AGO1: variants seen among roughly 807,000 people sequenced by gnomAD.
The protein encoded by AGO1 is protein argonaute-1.
A neutral mutation model predicts 109.2 loss-of-function variants in AGO1; 11 were observed. The observed-to-expected ratio is 0.10, with a 90% CI of 0.06 to 0.17. AGO1 has a LOEUF of 0.17. AGO1 is among the 10% of genes least tolerant of loss of function. The pLI, the probability that AGO1 is intolerant of heterozygous loss-of-function variation, is 1.00. For missense variants in AGO1, 574 were observed against 1,140.3 expected (o/e 0.50, Z 7.15); for synonymous variants, 422 against 418.6 (o/e 1.01, Z -0.10).
rs199790587 is a variant in AGO1 at position 35,913,885 on chromosome 1, G to T, written c.1626G>T (p.Thr542=). Residue 542 remains threonine (T), a synonymous_variant, in exon 13 of 19, where the codon ACG becomes ACT. Coordinates refer to ENST00000373204, the MANE Select transcript of AGO1 (RefSeq NM_012199.5). ...RVGDTLLGMA[T]QCVQVKNVVK... ...GAGATACACTCTTGGGAATGGCTACGCAGTGTGTGCAGGTGAAGAACGTGG... is the reference window on the plus strand; with the variant it reads ...GAGATACACTCTTGGGAATGGCTACTCAGTGTGTGCAGGTGAAGAACGTGG... 6.2e-7 allele frequency: 1 copy of T among 1,614,032 alleles called. No homozygotes were observed. The highest frequency in any genetic ancestry group is 8.5e-7 in the Non-Finnish European group (1 of 1,180,006).
At chr1:35,871,175 A>T (rs182688637) in intron 1 of AGO1, among the ~76,000 whole-genome samples, 82 of 152,272 alleles carry the variant, frequency 5.4e-4, no homozygotes, top group Admixed American at 9.8e-4. Flanking sequence ...ACAGATCATT[A>T]TTCTACCTCC....
chr1:35,913,401 T>C (rs556800184), intron 12 of AGO1, among the ~76,000 whole-genome samples: 1 of 152,304 alleles, frequency 6.6e-6, no homozygotes, highest in South Asian at 2.1e-4. Context: ...TACAACATGC[T>C]CCCCTTGCTC....
At chr1:35,875,851 T>C (rs1182882767) in intron 1 of AGO1, among the ~76,000 whole-genome samples, 2 of 152,264 alleles carry the variant, frequency 1.3e-5, no homozygotes, top group Admixed American at 6.5e-5. Flanking sequence ...ATAATGTTGC[T>C]TTCATACCTA....
chr1:35,896,676 C>A (rs1455152498), intron 8 of AGO1, among the ~76,000 whole-genome samples: 1 of 152,112 alleles, frequency 6.6e-6, no homozygotes. Context: ...TACTTTTATC[C>A]AACAGCAGAA....
chr1:35,884,590 A>G (rs1013125105), intron 1 of AGO1, among the ~76,000 whole-genome samples: 44 of 152,276 alleles, frequency 2.9e-4, no homozygotes, highest in African/African-American at 9.4e-4. Context: ...CCCACTCCCC[A>G]GAAACTGTCA....
At chr1:35,909,463 CTG>C (rs1180160491) in intron 12 of AGO1, among the ~76,000 whole-genome samples, 2 of 152,214 alleles carry the variant, frequency 1.3e-5, no homozygotes, top group South Asian at 2.1e-4. Flanking sequence ...CATTTCTTGT[CTG>C]TGGTTTTCAG....
At position 35,927,778 on chromosome 1, in the gene AGO1, C is replaced by G. The variant is rs561377490; in HGVS notation, c.*8171C>G. On this transcript the variant is annotated 3_prime_UTR_variant, in exon 19 of 19. Coordinates refer to ENST00000373204, the MANE Select transcript of AGO1 (RefSeq NM_012199.5). ...TACTTCAACTTTTACAGATGAGAAA[C>G]ATGAATCAGAGTGACTTTCCCAGGC... is the stretch of plus-strand genomic sequence containing the variant. The G allele has an allele frequency of 2.0e-5, 3 of 152,342 alleles. No homozygotes were observed. In the South Asian group the frequency reaches 6.2e-4, roughly 32 times the overall value. 9.4% of individuals were successfully genotyped at this position (152,342 alleles called of 1,614,324 possible).
intron 12 of AGO1, among the ~76,000 whole-genome samples, chr1:35,908,816 C>CTTT (rs397861392): frequency 1.1e-4 from 14 of 131,358 alleles, no homozygotes; most frequent in South Asian, 2.5e-4. Flanking sequence ...TCTAACCTTC[C>CTTT]TTTTTTTTTT....
chr1:35,870,136 C>T (rs945611292), intron 1 of AGO1, among the ~76,000 whole-genome samples: 10 of 152,142 alleles, frequency 6.6e-5, no homozygotes, highest in South Asian at 6.2e-4. Context: ...TCCTGCCCTA[C>T]GTGTACCCCT....
rs1479948110 is a variant in AGO1, at chr1:35,883,378, C to T, written c.-44C>T. 7.6e-6 allele frequency: 12 copies of T among 1,584,250 alleles called. No individual in the cohort carries two copies. The South Asian group carries it at 1.1e-4, about 15-fold the overall frequency. On this transcript the variant is annotated 5_prime_UTR_variant, in exon 1 of 19. Transcript: ENST00000373204. The surrounding 1 kb of genome is among the most constrained non-coding windows in gnomAD (Gnocchi z 5.4). ...GGGTACCTAGGCCCCTCACGCTGGA[C>T]TTCACAGTCTCCGGGCCGCCTGACC...
chr1:35,914,038 A>G (rs1157023625), intron 13 of AGO1, 37 bp downstream of exon 13: 4 of 1,612,374 alleles, frequency 2.5e-6, no homozygotes, highest in Admixed American at 3.3e-5. Flanking sequence ...TTGTCAAGGT[A>G]CCATGCTGGG....
At chr1:35,900,999 T>G (rs1309154736) in intron 8 of AGO1, among the ~76,000 whole-genome samples, 5 of 151,390 alleles carry the variant, frequency 3.3e-5, no homozygotes, top group African/African-American at 4.8e-5. Context: ...TTTTTTTTTT[T>G]GAGACAGGGT....
rs1645905238 is a variant in AGO1 at position 35,925,216 on chromosome 1, A to C, written c.*5609A>C. On this transcript the variant is annotated 3_prime_UTR_variant, in exon 19 of 19. Coordinates refer to ENST00000373204, the MANE Select transcript of AGO1 (RefSeq NM_012199.5). The stretch of plus-strand genomic sequence containing the variant: ...AGTTCTTTTTTTTTCTGTGTGTTTT[A>C]CCTTTCTACTCCCCATCTTTTGGGG... 6.6e-6 allele frequency: 1 copy of C among 150,744 alleles called. No homozygotes were observed. Among genetic ancestry groups the C allele is most frequent in the East Asian group, 2.0e-4 (1 of 5,102 alleles). 9.3% of individuals were successfully genotyped at this position (150,744 alleles called of 1,614,324 possible).
rs140364069 is a variant in AGO1, at chr1:35,902,684, TATTTC to T, written c.1397+350_1397+354del. 1.9e-4 allele frequency among the ~76,000 whole-genome samples: 29 copies of T among 152,340 alleles called. No homozygotes were observed. The East Asian group carries it at 5.6e-3, about 29-fold the overall frequency. ...CTTAAGTACCTAATTTATATTCTCT[TATTTC>T]ATCTTTACAGTGAGTAGGTGGTGAT... On this transcript the variant is annotated intron_variant, in intron 11 of 18. Coordinates refer to ENST00000373204, the MANE Select transcript of AGO1 (RefSeq NM_012199.5).
intron 1 of AGO1, among the ~76,000 whole-genome samples, chr1:35,884,228 A>G (rs993292006): frequency 6.6e-6 from 1 of 152,034 alleles, no homozygotes; most frequent in Non-Finnish European, 1.5e-5. Flanking sequence ...GCCCTCAGTC[A>G]CAGTTTGCTA....
In AGO1 at chr1:35,917,750, C is replaced by T. The variant is rs764078602; in HGVS notation, c.2163+23C>T. The T allele has an allele frequency of 3.1e-6, 5 of 1,606,090 alleles. No individual in the cohort carries two copies. In the South Asian group the frequency reaches 5.5e-5, roughly 18 times the overall value. On this transcript the variant is annotated intron_variant, in intron 16 of 18. Transcript: ENST00000373204. The stretch of plus-strand genomic sequence containing the variant: ...CGAGTGAGTGAGGGACTGAGGCCTC[C>T]CATCCCCTCCTTCTGTCTCCCTTAT...
chr1:35,875,463 G>A lies in AGO1; in HGVS notation c.-201+5560G>A, dbSNP rs145343496. On this transcript the variant is annotated intron_variant, in intron 1 of 18. Transcript: ENST00000373206. ...AAGTCTCGCTTTGTCGCCCAGGCTG[G>A]AGTGCAGTGGTGCGATCTTGGCTCA... is the stretch of plus-strand genomic sequence containing the variant. 3.4e-4 allele frequency among the ~76,000 whole-genome samples: 51 copies of A among 152,152 alleles called. No individual in the cohort carries two copies. The East Asian group carries it at 9.9e-3, about 29-fold the overall frequency.
rs758584590 is a variant in AGO1 at position 35,894,113 on chromosome 1, T to C, written c.726T>C (p.Asp242=). The change falls in exon 6 of 19, where the codon GAT becomes GAC. Residue 242 remains aspartate (D), a synonymous_variant. Transcript: ENST00000373204. ...MCEVLDIRNI[D]EQPKPLTDSQ... is the part of the protein sequence containing the mutation. ...AGGTGCTGGACATCAGGAACATAGA[T>C]GAGCAGCCCAAGCCCCTCACGGACT... 1.3e-5 allele frequency: 20 copies of C among 1,590,890 alleles called. No homozygotes were observed. The highest frequency in any genetic ancestry group is 1.6e-5 in the Non-Finnish European group (19 of 1,169,382).
At chr1:35,912,797 C>G (rs1197374823) in intron 12 of AGO1, among the ~76,000 whole-genome samples, 2 of 152,116 alleles carry the variant, frequency 1.3e-5, no homozygotes, top group Non-Finnish European at 2.9e-5. Flanking sequence ...TGTTCTTGAA[C>G]TCCTGACCTC....
Sources: allele counts gnomAD v4.1 joint callset (sites outside exome capture counted in the v4.1 genomes callset), GRCh38; gene constraint gnomAD v4.1.1; non-coding constraint Gnocchi (gnomAD v3.1); transcripts MANE v1.5; gene names NCBI Gene and HGNC (gene_info 2026-07-23, HGNC 2026-07-21).